The following LVRN variants were observed in gnomAD, a reference collection of about 807,000 sequenced individuals.
LVRN encodes aminopeptidase Q.
In LVRN, 99 loss-of-function variants were observed where a neutral mutation model predicts 111.4. The ratio of observed to expected loss-of-function variants is 0.89; its 90% CI spans 0.76 to 1.05. The LOEUF (loss-of-function observed/expected upper bound fraction) is 1.05, where lower values mean the gene tolerates loss of function less well. Ranked by LOEUF, LVRN falls within the 50% of genes least tolerant of loss-of-function variation. The pLI, the probability that LVRN is intolerant of heterozygous loss-of-function variation, is 0.00. For synonymous variants in LVRN, 488 were observed against 449.5 expected, an observed-to-expected ratio of 1.09 and a Z score of -1.08; for missense variants, 1,414 against 1,206.8, an observed-to-expected ratio of 1.17 and a Z score of -2.54.
chr5:115,974,485 C>G (rs1023669322), intron 1 of LVRN: 1 of 152,286 alleles, frequency 6.6e-6, no homozygotes, highest in African/African-American at 2.4e-5. Flanking sequence ...GTCTGGTAAG[C>G]TAGTAACACT....
chr5:115,997,575 G>A (rs1748142660), intron 6 of LVRN, among the ~76,000 whole-genome samples: 1 of 151,644 alleles, frequency 6.6e-6, no homozygotes, highest in Admixed American at 6.6e-5. Flanking sequence ...GCAGTGAGAG[G>A]ATTGATAGAG....
At chr5:115,979,637 T>G (rs918694119) in intron 1 of LVRN, among the ~76,000 whole-genome samples, 1 of 152,186 alleles carries the variant, frequency 6.6e-6, no homozygotes, top group Non-Finnish European at 1.5e-5. Flanking sequence ...TGTTGCCTGG[T>G]GAAAACTTCA....
chr5:116,022,920 G>A (rs759705233), intron 19 of LVRN, among the ~76,000 whole-genome samples: 22 of 152,246 alleles, frequency 1.4e-4, no homozygotes, highest in Non-Finnish European at 2.5e-4. Flanking sequence ...GAGCAAGAGA[G>A]ACGGACAGAC....
At chr5:115,997,819 C>T (rs2112596250) in intron 6 of LVRN, among the ~76,000 whole-genome samples, 1 of 151,960 alleles carries the variant, frequency 6.6e-6, no homozygotes, top group Middle Eastern at 3.4e-3. Flanking sequence ...GTAGTGTTTC[C>T]CTGCAATAGA....
intron 14 of LVRN, among the ~76,000 whole-genome samples, chr5:116,011,927 G>A (rs1458431097): frequency 6.6e-6 from 1 of 152,040 alleles, no homozygotes; most frequent in African/African-American, 2.4e-5. Flanking sequence ...GTGTGTCCAG[G>A]ACATAAACCA....
intron 1 of LVRN, among the ~76,000 whole-genome samples, chr5:115,977,487 G>C (rs1294790481): frequency 6.6e-6 from 1 of 152,222 alleles, no homozygotes; most frequent in East Asian, 1.9e-4. Context: ...GTTTTCAGCA[G>C]AAGGCTGATT....
Position 115,999,813 on chromosome 5 carries a change from G to T in LVRN, c.1426G>T (p.Ala476Ser). The T allele has an allele frequency of 2.5e-6, 4 of 1,613,078 alleles. No homozygotes were observed. ...ILHNILREDH[A>S]LVTRAVAMKV... ...ACATAATATCCTCAGAGAAGATCAC[G>T]CCCTGGTGACTAGAGCTGTGGCCAT... The change falls in exon 7 of 20, where the codon GCC becomes TCC. Residue 476 changes from alanine (A) to serine (S), a missense_variant. Transcript: ENST00000357872.
intron 13 of LVRN, among the ~76,000 whole-genome samples, chr5:116,009,620 A>G (rs1008342371): frequency 2.6e-5 from 4 of 152,180 alleles, no homozygotes; most frequent in African/African-American, 4.8e-5. Flanking sequence ...GAAGTTTTCA[A>G]TCCTCATTGG....
At chr5:115,978,602 T>G (rs1753495557) in intron 1 of LVRN, among the ~76,000 whole-genome samples, 1 of 152,150 alleles carries the variant, frequency 6.6e-6, no homozygotes, top group Non-Finnish European at 1.5e-5. Context: ...CTGTGTAATA[T>G]TCAAACCTTT....
At chr5:115,971,589 T>C (rs1753328601) in intron 1 of LVRN, among the ~76,000 whole-genome samples, 1 of 152,126 alleles carries the variant, frequency 6.6e-6, no homozygotes, top group Non-Finnish European at 1.5e-5. Flanking sequence ...CTGTACTGAA[T>C]TGTGTCTGCA....
At chr5:116,001,271 T>A in intron 10 of LVRN, 32 bp downstream of exon 10, 4 of 1,608,574 alleles carry the variant, frequency 2.5e-6, no homozygotes, top group Non-Finnish European at 3.4e-6. Context: ...TGTCTTCACC[T>A]TCCTTGGGGT....
chr5:115,993,549 G>A (rs1199119517), intron 5 of LVRN, among the ~76,000 whole-genome samples, 192 bp from the exon 6 acceptor site: 3 of 152,152 alleles, frequency 2.0e-5, no homozygotes, highest in Non-Finnish European at 4.4e-5. Flanking sequence ...TCTGAGAAAT[G>A]CATGACTAAT....
At chr5:116,025,137 C>T (rs1748834741) in intron 19 of LVRN, among the ~76,000 whole-genome samples, 1 of 152,180 alleles carries the variant, frequency 6.6e-6, no homozygotes, top group Admixed American at 6.5e-5. Context: ...TTGGTTACCA[C>T]CTCCCGGCAG....
intron 19 of LVRN, among the ~76,000 whole-genome samples, chr5:116,024,624 G>C (rs1490893999): frequency 2.0e-5 from 3 of 152,122 alleles, no homozygotes; most frequent in Admixed American, 6.6e-5. Context: ...TCTAAAATTC[G>C]TTAGTTCAAT....
At chr5:115,969,539 T>C (rs896032869) in intron 1 of LVRN, among the ~76,000 whole-genome samples, 3 of 152,202 alleles carry the variant, frequency 2.0e-5, no homozygotes, top group Non-Finnish European at 4.4e-5. Flanking sequence ...GGCTCACGCC[T>C]GTAATCCCAG....
At chr5:115,976,816 G>A (rs1051914519) in intron 1 of LVRN, among the ~76,000 whole-genome samples, 1 of 152,164 alleles carries the variant, frequency 6.6e-6, no homozygotes, top group African/African-American at 2.4e-5. Flanking sequence ...ATTGCTTAGA[G>A]AATGCTGGCC....
rs1748228995 is a variant in LVRN, at chr5:116,001,133, C to T, written c.1714C>T (p.His572Tyr). Residue 572 changes from histidine to tyrosine, a missense_variant, in exon 10 of 20, where the codon CAC (histidine) becomes TAC (tyrosine). By Grantham distance (83) the His-to-Tyr change is moderately conservative (BLOSUM62 2). Transcript: ENST00000357872. ...AAAAAACATAATGGACAGTTGGACA[C>T]ACCAGAGTGGTTTTCCAGTGATCAC... is the stretch of plus-strand genomic sequence containing the variant. ...TIKNIMDSWT[H>Y]QSGFPVITLN... The T allele has an allele frequency of 6.2e-7, 1 of 1,613,826 alleles. No homozygotes were observed. The highest frequency in any genetic ancestry group is 1.7e-5 in the Admixed American group (1 of 59,960).
At chr5:116,014,370 T>A in intron 15 of LVRN, 50 bp from the exon 16 acceptor site, 2 of 1,274,588 alleles carry the variant, frequency 1.6e-6, no homozygotes, top group Non-Finnish European at 2.3e-6. Flanking sequence ...GCAGAGAAAA[T>A]GAAGGTGGTA....
chr5:116,023,446 A>C (rs1748798842), intron 19 of LVRN: 1 of 152,198 alleles, frequency 6.6e-6, no homozygotes, highest in Non-Finnish European at 1.5e-5. Context: ...CACAGCTTCA[A>C]GAGTTCCTGC....
Sources: gnomAD v4.1 joint callset for allele counts (sites outside exome capture counted in the v4.1 genomes callset) on GRCh38, gnomAD v4.1.1 for gene constraint, MANE v1.5 for transcripts, NCBI Gene and HGNC (gene_info 2026-07-23, HGNC 2026-07-21) for gene names.